Variants in IMPA2 observed in about 807,000 individuals in gnomAD.
IMPA2 encodes the protein IMP 2.
A neutral mutation model predicts 35.1 loss-of-function variants in IMPA2; 32 were observed. The ratio of observed to expected loss-of-function variants is 0.91; its 90% CI spans 0.69 to 1.23. IMPA2 has a LOEUF of 1.23. IMPA2 is among the 50% of genes most tolerant of loss of function. IMPA2 has a pLI of 0.00. For synonymous variants in IMPA2, 135 were observed against 160.6 expected (o/e 0.84, Z 1.20); for missense variants, 334 against 387.6 (o/e 0.86, Z 1.16).
intron 7 of IMPA2, among the ~76,000 whole-genome samples, chr18:12,030,044 G>A (rs576087395): frequency 1.3e-5 from 2 of 152,330 alleles, no homozygotes; most frequent in South Asian, 4.1e-4. Context: ...CTAGCCCATT[G>A]CTTGCATTTC....
chr18:12,015,119 C>G (rs1456022369), intron 5 of IMPA2, among the ~76,000 whole-genome samples: 1 of 152,188 alleles, frequency 6.6e-6, no homozygotes, highest in Non-Finnish European at 1.5e-5. Flanking sequence ...GCAGCAGCTG[C>G]ATGGGAGATT....
rs111647754 is a variant in IMPA2 at position 12,026,560 on chromosome 18, CTG to C, written c.491-1481_491-1480del. On this transcript the variant is annotated intron_variant, in intron 5 of 7. Transcript: ENST00000269159. ...GGGAAAGCACTCATTCATTCAGTAA[CTG>C]TTTATCGAGTGCCCACTCAGCCTGG... is the stretch of plus-strand genomic sequence containing the variant. Among the ~76,000 whole-genome samples, 681 of 152,326 alleles carry C rather than the reference CTG, an allele frequency of 4.5e-3. 5 individuals are homozygous for C. The highest frequency in any genetic ancestry group is 0.015 in the African/African-American group (629 of 41,572).
intron 1 of IMPA2, among the ~76,000 whole-genome samples, chr18:11,983,191 A>G (rs1170931005): frequency 6.6e-6 from 1 of 152,172 alleles, no homozygotes; most frequent in Non-Finnish European, 1.5e-5. Context: ...GAAAAGGAGG[A>G]CCCTAAACCT....
At chr18:12,002,373 A>G (rs1162934793) in intron 2 of IMPA2, among the ~76,000 whole-genome samples, 1 of 152,240 alleles carries the variant, frequency 6.6e-6, no homozygotes, top group Admixed American at 6.5e-5. Context: ...AAAACCTGAT[A>G]CAGGCTCCCC....
chr18:11,996,519 A>G (rs559845423), intron 1 of IMPA2, among the ~76,000 whole-genome samples: 17 of 152,110 alleles, frequency 1.1e-4, no homozygotes, highest in African/African-American at 1.7e-4. Context: ...CTGTCTTCTC[A>G]GATGGTGGTC....
chr18:11,999,019 G>A, intron 1 of IMPA2, 35 bp from the exon 2 acceptor site: 1 of 1,575,376 alleles, frequency 6.3e-7, no homozygotes. Context: ...GAGGATGTTT[G>A]CATGTTTAAC....
At chr18:11,994,259 G>A (rs590277) in intron 1 of IMPA2, 67,914 of 151,294 alleles carry the variant, frequency 0.45, 17,260 homozygotes, top group African/African-American at 0.69. Flanking sequence ...GCTTGTAGTT[G>A]CAGCTACTGG....
intron 7 of IMPA2, 98 bp from the exon 8 acceptor site, chr18:12,030,245 C>A: frequency 2.3e-6 from 2 of 856,012 alleles, no homozygotes; most frequent in South Asian, 1.5e-5. Context: ...TTCCATGTGC[C>A]ATTTCCTGTG....
rs68185380 is a variant in IMPA2, at chr18:12,022,528, A to AAATATAGATATATAT, written c.491-5514_491-5513insATATAGATATATATA. Among the ~76,000 whole-genome samples the AAATATAGATATATAT allele has an allele frequency of 1.1e-4, 11 of 96,822 alleles. 2 individuals carry two copies. Among genetic ancestry groups the AAATATAGATATATAT allele is most frequent in the Non-Finnish European group, 2.2e-4 (11 of 49,562 alleles). The allele number at this position is 96,822 out of a possible 152,430, so 63.5% of individuals were successfully genotyped here. A position where few individuals can be genotyped will look rare whatever the true frequency, so the allele number is the denominator to read the frequency against. On this transcript the variant is annotated intron_variant, in intron 5 of 7. Transcript: ENST00000269159. ...CAGAATGGGGCTCCATCTCAAAAAG[A>AAATATAGATATATAT]ATATATATATATATATATATATATA... is the stretch of plus-strand genomic sequence containing the variant.
intron 2 of IMPA2, chr18:12,008,605 A>G (rs1462666325): frequency 2.2e-6 from 1 of 454,748 alleles, no homozygotes; most frequent in Non-Finnish European, 4.4e-6. Context: ...GGCTGCGAAT[A>G]CACCTGACCA....
chr18:11,982,628 C>G (rs1277121678), intron 1 of IMPA2, among the ~76,000 whole-genome samples: 1 of 152,176 alleles, frequency 6.6e-6, no homozygotes, highest in Non-Finnish European at 1.5e-5. Context: ...AACCCCGTCT[C>G]TACTGAAAAT....
At chr18:11,984,884 C>T (rs951621852) in intron 1 of IMPA2, among the ~76,000 whole-genome samples, 4 of 150,456 alleles carry the variant, frequency 2.7e-5, no homozygotes, top group South Asian at 2.1e-4. Flanking sequence ...AGGAGAATGG[C>T]GTGAACCCGG....
At chr18:11,999,268 GC>G (rs1185746616) in intron 2 of IMPA2, 81 bp downstream of exon 2, 3 of 1,403,544 alleles carry the variant, frequency 2.1e-6, no homozygotes, top group African/African-American at 1.5e-5. Context: ...GGGTCAGGGG[GC>G]TCTGCTGTTT....
chr18:11,996,604 T>C lies in IMPA2; in HGVS notation c.97-2450T>C, dbSNP rs560054306. On this transcript the variant is annotated intron_variant, in intron 1 of 7. Transcript: ENST00000269159. ...ACATCCTGGTCTCCTAGTGGCTCTCTTCACGTGGGAGTTTGAGACTCTGCT... is the reference window on the plus strand; with the variant it reads ...ACATCCTGGTCTCCTAGTGGCTCTCCTCACGTGGGAGTTTGAGACTCTGCT... 3.9e-5 allele frequency among the ~76,000 whole-genome samples: 6 copies of C among 152,186 alleles called. No individual in the cohort carries two copies. The South Asian group carries it at 1.2e-3, about 32-fold the overall frequency.
intron 5 of IMPA2, among the ~76,000 whole-genome samples, chr18:12,020,179 T>TATTTATTGATTG (rs554155222): frequency 2.0e-5 from 3 of 151,234 alleles, no homozygotes; most frequent in African/African-American, 7.3e-5. Flanking sequence ...GGCCTTTATT[T>TATTTATTGATTG]ATTGATTGAT....
intron 5 of IMPA2, among the ~76,000 whole-genome samples, chr18:12,016,607 C>T (rs1007386306): frequency 6.6e-5 from 10 of 152,006 alleles, no homozygotes; most frequent in East Asian, 1.9e-4. Context: ...TTAGTAGAGA[C>T]GGGGTTTCAC....
chr18:12,028,698 A>C (rs1319777035), intron 6 of IMPA2, 144 bp from the exon 7 acceptor site: 39 of 952,050 alleles, frequency 4.1e-5, no homozygotes, highest in Non-Finnish European at 5.8e-5. Flanking sequence ...CCCTATATTC[A>C]GCCTCCAGAG....
chr18:11,985,736 C>G (rs1906647591), intron 1 of IMPA2, among the ~76,000 whole-genome samples: 1 of 152,126 alleles, frequency 6.6e-6, no homozygotes, highest in African/African-American at 2.4e-5. Flanking sequence ...GCGTGATGGA[C>G]AGGGGAGTAT....
intron 7 of IMPA2, among the ~76,000 whole-genome samples, chr18:12,029,231 C>G (rs1907977024): frequency 6.7e-6 from 1 of 148,832 alleles, no homozygotes; most frequent in Admixed American, 6.7e-5. Flanking sequence ...TCTCCTGCCT[C>G]AGCCTCCTGA....
Sources: allele counts gnomAD v4.1 joint callset (sites outside exome capture counted in the v4.1 genomes callset), GRCh38; gene constraint gnomAD v4.1.1; transcripts MANE v1.5; gene names NCBI Gene and HGNC (gene_info 2026-07-23, HGNC 2026-07-21).